Variants in ADCY6 observed in about 807,000 individuals in gnomAD.
ADCY6 encodes the protein adenylate cyclase type 6.
Under a neutral mutation model 111.6 loss-of-function variants are expected in ADCY6, and 59 were observed. That is an observed-to-expected ratio of 0.53 (90% CI 0.43 to 0.66). The LOEUF (loss-of-function observed/expected upper bound fraction) is 0.66, where lower values mean the gene tolerates loss of function less well. Ranked by LOEUF, ADCY6 falls within the 30% of genes least tolerant of loss-of-function variation. The probability of loss-of-function intolerance (pLI) is 0.00; values close to 1 mark genes in which losing one functional copy is unlikely to be tolerated. For synonymous variants in ADCY6, 576 were observed against 642.9 expected, an observed-to-expected ratio of 0.90 and a Z score of 1.57; for missense variants, 1,242 against 1,595.6, an observed-to-expected ratio of 0.78 and a Z score of 3.78.
chr12:48,778,120 C>T lies in ADCY6; in HGVS notation c.1002G>A (p.Glu334=). 6.2e-7 allele frequency: 1 copy of T among 1,611,132 alleles called. No homozygotes were observed. The highest frequency in any genetic ancestry group is 8.5e-7 in the Non-Finnish European group (1 of 1,178,790). ...GGAGCAGCCCCACCTGCTGCCGATT[C>T]TCATGCTGCAGGTGGAGCCGGGCCT... ...YIQARLHLQH[E]NRQQERLLLS... The change falls in exon 3 of 22, where the codon GAG becomes GAA. Residue 334 remains glutamate, a synonymous_variant. Transcript: ENST00000357869.
At position 48,770,771 on chromosome 12, in the gene ADCY6, T is replaced by G; in HGVS notation, c.3251A>C (p.Lys1084Thr). 6.2e-7 allele frequency: 1 copy of G among 1,613,946 alleles called. No homozygotes were observed. The highest frequency in any genetic ancestry group is 8.5e-7 in the Non-Finnish European group (1 of 1,179,902). ...AAGCAACAAAGCCCTCTTACCAATC[T>G]TCATCTGGAAATTGTTGAAGGAGTG... ...NEHSFNNFQM[K>T]IGLNMGPVVA... The change falls in exon 20 of 22, where the codon AAG becomes ACG. Residue 1084 changes from lysine to threonine, a missense_variant. By Grantham distance (78) the Lys-to-Thr change is moderately conservative. This residue lies in a region of ADCY6 where 245 missense variants were observed against 371.3 expected (regional missense o/e 0.66). Coordinates refer to ENST00000357869, the MANE Select transcript of ADCY6 (RefSeq NM_015270.5).
At position 48,783,268 on chromosome 12, in the gene ADCY6, G is replaced by T; in HGVS notation, c.167C>A (p.Thr56Asn). Residue 56 changes from threonine (T) to asparagine (N), a missense_variant, in exon 2 of 22, where the codon ACC becomes AAC. Thr to Asn is a moderately conservative substitution (Grantham distance 65). Coordinates refer to ENST00000357869, the MANE Select transcript of ADCY6 (RefSeq NM_015270.5). ...CLRDAEPPSP[T>N]PAGPPRCPWQ... Reference sequence around the variant, plus strand: ...GGGGCACCGAGGGGGGCCCGCAGGGGTGGGGCTGGGTGGCTCTGCATCCCG... The same window carrying T: ...GGGGCACCGAGGGGGGCCCGCAGGGTTGGGGCTGGGTGGCTCTGCATCCCG... 1.9e-6 allele frequency: 3 copies of T among 1,611,550 alleles called. No homozygotes were observed. The highest frequency in any genetic ancestry group is 2.5e-6 in the Non-Finnish European group (3 of 1,179,344).
intron 11 of ADCY6, 61 bp downstream of exon 11, chr12:48,775,242 C>T (rs1941664078): frequency 6.2e-7 from 1 of 1,606,090 alleles, no homozygotes; most frequent in South Asian, 1.1e-5. Context: ...TGTGCTCAGC[C>T]TTCCCTGCTG....
At chr12:48,774,915 T>G (rs777818196) in intron 12 of ADCY6, 42 bp downstream of exon 12, 8 of 1,532,174 alleles carry the variant, frequency 5.2e-6, no homozygotes, top group Non-Finnish European at 7.1e-6. Flanking sequence ...TTCTGGGAAG[T>G]GGTGAAGAGA....
At position 48,776,376 on chromosome 12, in the gene ADCY6, C is replaced by A. The variant is rs200854298; in HGVS notation, c.1536-26G>T. ...CTGTATGTGGCCAAGAGGGTGAGAC[C>A]CTGGCTCTCCCACCTTGCCCCCATC... On this transcript the variant is annotated intron_variant, in intron 7 of 21. Transcript: ENST00000357869. This position sits in a 1 kb window ranked among gnomAD's most constrained non-coding sequence, Gnocchi z 6.1. 6.2e-7 allele frequency: 1 copy of A among 1,614,006 alleles called. No individual in the cohort carries two copies. Among genetic ancestry groups the A allele is most frequent in the Admixed American group, 1.7e-5 (1 of 60,008 alleles).
At chr12:48,773,780 C>T in intron 15 of ADCY6, 133 bp from the exon 16 acceptor site, 1 of 1,439,274 alleles carries the variant, frequency 6.9e-7, no homozygotes, top group Non-Finnish European at 9.6e-7. Flanking sequence ...CTCCACCTTC[C>T]ATGCCCAGCC....
Position 48,783,178 on chromosome 12 carries a change from G to T in ADCY6, c.257C>A (p.Ala86Glu). The T allele has an allele frequency of 6.2e-7, 1 of 1,606,804 alleles. No individual in the cohort carries two copies. ...GGTATCCTCGAAGCCCAGGGCCACT[G>T]CCCGCAGCCCCAGCTCCTTGCCCTT... ...PGKGKELGLR[A>E]VALGFEDTEV... The change falls in exon 2 of 22, where the codon GCA (alanine) becomes GAA (glutamate). Residue 86 changes from alanine to glutamate, a missense_variant. Ala to Glu is a moderately radical substitution (Grantham distance 107). Transcript: ENST00000357869.
At chr12:48,773,440 G>A (rs1291937861) in intron 16 of ADCY6, 29 bp downstream of exon 16, 1 of 1,607,402 alleles carries the variant, frequency 6.2e-7, no homozygotes, top group Non-Finnish European at 8.5e-7. Context: ...AAGCTCCTGG[G>A]GTATTAAAGG....
In ADCY6 at chr12:48,776,552, T is replaced by C. The variant is rs1402165393; in HGVS notation, c.1411A>G (p.Met471Val). 2.5e-6 allele frequency: 4 copies of C among 1,613,014 alleles called. No homozygotes were observed. The highest frequency in any genetic ancestry group is 1.6e-4 in the Middle Eastern group (1 of 6,062). ...CGCCCGCTGTGGATGCCCACGCGCA[T>C]GTTCACATTCACACCTGTCACCTCA... is the stretch of plus-strand genomic sequence containing the variant. ...VREVTGVNVNMRVGIHSGRVH... is the reference protein window; with the variant it reads ...VREVTGVNVNVRVGIHSGRVH... Residue 471 changes from methionine to valine, a missense_variant, in exon 7 of 22, where the codon ATG (methionine) becomes GTG (valine). By Grantham distance (21) the Met-to-Val change is conservative. This residue lies in a region of ADCY6 where 260 missense variants were observed against 414.6 expected (regional missense o/e 0.63). Coordinates refer to ENST00000357869, the MANE Select transcript of ADCY6 (RefSeq NM_015270.5). This position sits in a 1 kb window ranked among gnomAD's most constrained non-coding sequence, Gnocchi z 6.1.
Position 48,773,940 on chromosome 12 carries a change from C to T in ADCY6, c.2442G>A (p.Glu814=). ...CACCGCCTGAGCACTGCTCGAACAC[C>T]TCAGGAAAGCTGCAGGTGGGCATGG... ...EGTMPTCSFP[E]YFIGNMLLSL... is the part of the protein sequence containing the mutation. Residue 814 remains glutamate (E), a splice_region_variant and synonymous_variant, in exon 15 of 22, where the codon GAG becomes GAA. Coordinates refer to ENST00000357869, the MANE Select transcript of ADCY6 (RefSeq NM_015270.5). The T allele has an allele frequency of 6.2e-7, 1 of 1,613,698 alleles. No individual in the cohort carries two copies. The highest frequency in any genetic ancestry group is 8.5e-7 in the Non-Finnish European group (1 of 1,179,844).
At position 48,770,924 on chromosome 12, in the gene ADCY6, A is replaced by G. The variant is rs1165155078; in HGVS notation, c.3098T>C (p.Ile1033Thr). 3.7e-6 allele frequency: 6 copies of G among 1,614,204 alleles called. No individual in the cohort carries two copies. The highest frequency in any genetic ancestry group is 5.1e-6 in the Non-Finnish European group (6 of 1,180,050). The stretch of plus-strand genomic sequence containing the variant: ...TGAGGCAGCCATGTAGGTGCTACCA[A>G]TCGTCTTGATCTTTTCCAGCTGCCG... ...RFRQLEKIKTIGSTYMAASGL... is the reference protein window; with the variant it reads ...RFRQLEKIKTTGSTYMAASGL... The change falls in exon 20 of 22, where the codon ATT becomes ACT. Residue 1033 changes from isoleucine to threonine, a missense_variant. By Grantham distance (89) the Ile-to-Thr change is moderately conservative. Coordinates refer to ENST00000357869, the MANE Select transcript of ADCY6 (RefSeq NM_015270.5).
Position 48,776,986 on chromosome 12 carries a change from C to G in ADCY6, c.1376+118G>C, listed in dbSNP as rs75645286. ...AAAGATTCCCCTTCCCAGTGACAGA[C>G]AGACCTCAAAGACAGAGAAAGCCAA... On this transcript the variant is annotated intron_variant, in intron 6 of 21. Coordinates refer to ENST00000357869, the MANE Select transcript of ADCY6 (RefSeq NM_015270.5). This position sits in a 1 kb window ranked among gnomAD's most constrained non-coding sequence, Gnocchi z 6.1. The G allele has an allele frequency of 2.6e-3, 3,598 of 1,407,886 alleles. 80 individuals carry two copies. The African/African-American group carries it at 0.045, about 18-fold the overall frequency. The allele number at this position is 1,407,886 out of a possible 1,614,324, so 87.2% of individuals were successfully genotyped here.
chr12:48,784,765 CG>C (rs1941948600), intron 1 of ADCY6, among the ~76,000 whole-genome samples: 1 of 150,984 alleles, frequency 6.6e-6, no homozygotes, highest in South Asian at 2.1e-4. Flanking sequence ...CTCCGCCTCC[CG>C]GGTTCACACC....
At chr12:48,787,498 A>G (rs1942001205) in intron 1 of ADCY6, among the ~76,000 whole-genome samples, 1 of 152,146 alleles carries the variant, frequency 6.6e-6, no homozygotes, top group Admixed American at 6.5e-5. Flanking sequence ...GGCACTGCCC[A>G]TCCCGCAGAA....
chr12:48,775,479 T>G, intron 10 of ADCY6, 29 bp from the exon 11 acceptor site: 3 of 1,612,810 alleles, frequency 1.9e-6, no homozygotes, highest in East Asian at 2.2e-5. Context: ...GTTTCACCAG[T>G]TGCATGGGCA....
At chr12:48,781,882 G>A (rs539544930) in intron 2 of ADCY6, among the ~76,000 whole-genome samples, 2 of 152,274 alleles carry the variant, frequency 1.3e-5, no homozygotes, top group African/African-American at 4.8e-5. Flanking sequence ...AAGGAAAGGC[G>A]CCCAGGTCCC....
chr12:48,773,634 T>C lies in ADCY6; in HGVS notation c.2456A>G (p.Asn819Ser), dbSNP rs1941610441. The change falls in exon 16 of 22, where the codon AAC becomes AGC. Residue 819 changes from asparagine (N) to serine (S), a missense_variant. Physicochemically the swap from Asn to Ser is conservative, Grantham distance 46 (BLOSUM62 1). This residue lies in a region of ADCY6 where 375 missense variants were observed against 432.5 expected (regional missense o/e 0.87). Transcript: ENST00000357869. ...GCTGGCCAAGAGACTCAGCAGCATGTTCCCGATGAAGTACTGCGGGGGTGG... is the reference window on the plus strand; with the variant it reads ...GCTGGCCAAGAGACTCAGCAGCATGCTCCCGATGAAGTACTGCGGGGGTGG... ...TCSFPEYFIG[N>S]MLLSLLASSV... 1.2e-6 allele frequency: 2 copies of C among 1,614,062 alleles called. No individual in the cohort carries two copies. Among genetic ancestry groups the C allele is most frequent in the East Asian group, 4.5e-5 (2 of 44,878 alleles).
In ADCY6 at chr12:48,770,927, G is replaced by A. The variant is rs759187324; in HGVS notation, c.3095C>T (p.Thr1032Met). ...ERFRQLEKIKTIGSTYMAASG... is the reference protein window; with the variant it reads ...ERFRQLEKIKMIGSTYMAASG... ...GGCAGCCATGTAGGTGCTACCAATC[G>A]TCTTGATCTTTTCCAGCTGCCGGAA... Residue 1032 changes from threonine to methionine, a missense_variant, in exon 20 of 22, where the codon ACG becomes ATG. Coordinates refer to ENST00000357869, the MANE Select transcript of ADCY6 (RefSeq NM_015270.5). 1.2e-6 allele frequency: 2 copies of A among 1,614,046 alleles called. No homozygotes were observed. Among genetic ancestry groups the A allele is most frequent in the Non-Finnish European group, 1.7e-6 (2 of 1,180,046 alleles).
chr12:48,772,645 G>A, intron 16 of ADCY6, 102 bp from the exon 17 acceptor site: 1 of 1,382,228 alleles, frequency 7.2e-7, no homozygotes, highest in Non-Finnish European at 1.0e-6. Context: ...AGCACATACT[G>A]TAAGTCAGGC....
Sources: gnomAD v4.1 joint callset for allele counts (sites outside exome capture counted in the v4.1 genomes callset) on GRCh38, gnomAD v4.1.1 for gene constraint, gnomAD v4.1.1 regional missense constraint, Gnocchi (gnomAD v3.1) non-coding constraint, MANE v1.5 for transcripts, NCBI Gene and HGNC (gene_info 2026-07-23, HGNC 2026-07-21) for gene names.